NFASC: variants seen among roughly 807,000 people sequenced by gnomAD.
The protein encoded by NFASC is neurofascin homolog.
In NFASC, 43 loss-of-function variants were observed where a neutral mutation model predicts 147.5. The ratio of observed to expected loss-of-function variants is 0.29; its 90% CI spans 0.23 to 0.38. The LOEUF is 0.38. NFASC is among the 10% of genes least tolerant of loss of function. The pLI, the probability that NFASC is intolerant of heterozygous loss-of-function variation, is 1.00. For synonymous variants in NFASC, 622 were observed against 665.5 expected (o/e 0.93, Z 1.01); for missense variants, 1,320 against 1,689.0 (o/e 0.78, Z 3.83).
chr1:204,976,233 C>G (rs1380913013), intron 15 of NFASC, among the ~76,000 whole-genome samples: 2 of 152,118 alleles, frequency 1.3e-5, no homozygotes, highest in African/African-American at 4.8e-5. Context: ...TTCCCAGGAG[C>G]CTGGGGTCAG....
intron 4 of NFASC, among the ~76,000 whole-genome samples, chr1:204,951,236 C>T (rs1337671220): frequency 1.3e-5 from 2 of 150,744 alleles, no homozygotes; most frequent in Admixed American, 6.6e-5. Flanking sequence ...GCAGCCTCAG[C>T]CTCCTGGATT....
At chr1:204,883,591 A>G (rs925818953) in intron 1 of NFASC, among the ~76,000 whole-genome samples, 4 of 152,260 alleles carry the variant, frequency 2.6e-5, no homozygotes, top group Non-Finnish European at 5.9e-5. Context: ...TTGTTTAACC[A>G]GGAACCTAGC....
chr1:204,944,454 G>GCT, intron 3 of NFASC, 48 bp downstream of exon 3: 3 of 982,554 alleles, frequency 3.1e-6, no homozygotes, highest in Non-Finnish European at 3.0e-6. Flanking sequence ...ATTTTGGGCA[G>GCT]AGGGGTGGGA....
Position 204,987,407 on chromosome 1 carries a change from C to T in NFASC, c.2471-11C>T. ...CCCCTCATCTCCCCTGCTCTCTCCT[C>T]CTTCCCCAAGTACCCAGTGCCCCTA... On this transcript the variant is annotated splice_polypyrimidine_tract_variant and intron_variant, in intron 21 of 29. Coordinates refer to ENST00000339876, the MANE Select transcript of NFASC (RefSeq NM_001005388.3). This position sits in a 1 kb window ranked among gnomAD's most constrained non-coding sequence, Gnocchi z 4.4. 6.2e-7 allele frequency: 1 copy of T among 1,613,054 alleles called. No individual in the cohort carries two copies. The highest frequency in any genetic ancestry group is 1.1e-5 in the South Asian group (1 of 91,012).
Position 204,971,317 on chromosome 1 carries a change from G to A in NFASC, c.1135+570G>A, listed in dbSNP as rs371661464. ...GGGGACATTTAGTCCTGCCCAGGTG[G>A]ATGGAGTAGATGACTCCAAGACCCC... On this transcript the variant is annotated intron_variant, in intron 11 of 29. Transcript: ENST00000339876. Among the ~76,000 whole-genome samples, 72 of 152,284 alleles carry A rather than the reference G, an allele frequency of 4.7e-4. 1 individual carries two copies. In the South Asian group the frequency reaches 0.014, roughly 30 times the overall value.
intron 2 of NFASC, 86 bp from the exon 3 acceptor site, chr1:204,944,140 C>T: frequency 8.2e-7 from 1 of 1,223,548 alleles, no homozygotes; most frequent in South Asian, 1.3e-5. Flanking sequence ...CAAGGGGGCT[C>T]TTCGGTCCTC....
At chr1:204,984,195 C>G in intron 21 of NFASC, 8 of 1,208,268 alleles carry the variant, frequency 6.6e-6, no homozygotes, top group Non-Finnish European at 7.4e-6. Flanking sequence ...TAACCAGGGC[C>G]AGGGGTAGCA....
intron 1 of NFASC, among the ~76,000 whole-genome samples, chr1:204,891,317 G>A (rs982063564): frequency 6.6e-6 from 1 of 152,234 alleles, no homozygotes; most frequent in Non-Finnish European, 1.5e-5. Context: ...GCTATTGGAA[G>A]TGTAGAGATG....
chr1:204,961,023 G>A (rs1287022309), intron 8 of NFASC, among the ~76,000 whole-genome samples: 4 of 152,242 alleles, frequency 2.6e-5, no homozygotes, highest in East Asian at 1.9e-4. Flanking sequence ...GTTGTCCCTC[G>A]AGCAGTTGGA....
intron 2 of NFASC, among the ~76,000 whole-genome samples, chr1:204,922,806 G>A (rs2090753615): frequency 6.6e-6 from 1 of 152,170 alleles, no homozygotes; most frequent in Admixed American, 6.5e-5. Context: ...CTTGCCAGCA[G>A]GACATACGGC....
At chr1:204,944,675 G>T in intron 3 of NFASC, 2 of 440,056 alleles carry the variant, frequency 4.5e-6, no homozygotes, top group South Asian at 8.6e-5. Context: ...AGTGGGACTA[G>T]AGGTGGCGGA....
At chr1:204,901,020 T>G (rs980374540) in intron 1 of NFASC, among the ~76,000 whole-genome samples, 3 of 151,994 alleles carry the variant, frequency 2.0e-5, no homozygotes, top group Non-Finnish European at 2.9e-5. Flanking sequence ...TGCTGATGGC[T>G]TGGGTGTAAG....
intron 7 of NFASC, 33 bp from the exon 8 acceptor site, chr1:204,957,623 C>G (rs370430588): frequency 2.0e-4 from 329 of 1,609,230 alleles, no homozygotes; most frequent in Non-Finnish European, 2.6e-4. Context: ...GTTATTACTA[C>G]TAACCTGCTG....
chr1:204,994,616 G>C (rs916716983), intron 24 of NFASC, among the ~76,000 whole-genome samples: 1 of 152,146 alleles, frequency 6.6e-6, no homozygotes, highest in Admixed American at 6.5e-5. Context: ...TGCACTACGC[G>C]GTGTGATGAT....
Position 204,984,371 on chromosome 1 carries a change from A to G in NFASC, c.2470+2351A>G, listed in dbSNP as rs58423337. 9.7e-4 allele frequency: 129 copies of G among 132,860 alleles called. 1 individual carries two copies. Among genetic ancestry groups the G allele is most frequent in the South Asian group, 2.6e-3 (13 of 5,012 alleles). The allele number at this position is 132,860 out of a possible 1,614,324, so 8.2% of individuals were successfully genotyped here. ...TATATATATATATGTGTGTGTGTGT[A>G]TATATATACGCATATATATATATAT... On this transcript the variant is annotated intron_variant, in intron 21 of 29. Coordinates refer to ENST00000339876, the MANE Select transcript of NFASC (RefSeq NM_001005388.3).
chr1:204,855,519 G>C (rs1054904196), intron 1 of NFASC, among the ~76,000 whole-genome samples: 1 of 152,176 alleles, frequency 6.6e-6, no homozygotes, highest in Admixed American at 6.5e-5. Flanking sequence ...ATATGGGGAG[G>C]AGGAATAGTA....
chr1:204,937,472 T>C (rs61817564), intron 2 of NFASC, among the ~76,000 whole-genome samples: 25,959 of 152,078 alleles, frequency 0.17, 3,000 homozygotes, highest in African/African-American at 0.33. Flanking sequence ...TCCCTCAACC[T>C]GCACCCCCAG....
intron 1 of NFASC, among the ~76,000 whole-genome samples, chr1:204,836,787 C>T (rs1181611137): frequency 6.6e-6 from 1 of 152,282 alleles, no homozygotes; most frequent in Non-Finnish European, 1.5e-5. Flanking sequence ...ATTATCATCA[C>T]ACACTGAGTG....
chr1:204,877,934 A>T (rs1448324746), intron 1 of NFASC, among the ~76,000 whole-genome samples: 3 of 152,116 alleles, frequency 2.0e-5, no homozygotes, highest in Non-Finnish European at 4.4e-5. Flanking sequence ...CCTGTGGCAA[A>T]TGATGTTTCA....
Sources: gnomAD v4.1 joint callset for allele counts (sites outside exome capture counted in the v4.1 genomes callset) on GRCh38, gnomAD v4.1.1 for gene constraint, Gnocchi (gnomAD v3.1) non-coding constraint, MANE v1.5 for transcripts, NCBI Gene and HGNC (gene_info 2026-07-23, HGNC 2026-07-21) for gene names.